Variants in EHMT1 observed in about 807,000 individuals in gnomAD.
EHMT1 encodes the protein euchromatic histone lysine methyltransferase 1.
EHMT1 carries 15 observed loss-of-function variants against 147.2 expected under a neutral mutation model. The ratio of observed to expected loss-of-function variants is 0.10; its 90% CI spans 0.07 to 0.16. The LOEUF is 0.16. Ranked by LOEUF, EHMT1 falls within the 10% of genes least tolerant of loss-of-function variation. EHMT1 has a pLI of 1.00. For missense variants in EHMT1, 1,587 were observed against 1,772.4 expected, an observed-to-expected ratio of 0.90 and a Z score of 1.88; for synonymous variants, 795 against 709.6, an observed-to-expected ratio of 1.12 and a Z score of -1.91.
intron 1 of EHMT1, among the ~76,000 whole-genome samples, chr9:137,708,956 C>A (rs930388888): frequency 6.6e-6 from 1 of 152,214 alleles, no homozygotes; most frequent in African/African-American, 2.4e-5. Context: ...TGATGTGGAA[C>A]GCTGGAGAGC....
At chr9:137,767,216 C>T (rs143803835) in intron 10 of EHMT1, among the ~76,000 whole-genome samples, 123 of 152,304 alleles carry the variant, frequency 8.1e-4, no homozygotes, top group African/African-American at 2.9e-3. Flanking sequence ...AACTCCTGCA[C>T]TCAAGCAACC....
chr9:137,620,237 T>C (rs1405044828), intron 1 of EHMT1, among the ~76,000 whole-genome samples: 1 of 152,104 alleles, frequency 6.6e-6, no homozygotes, highest in African/African-American at 2.4e-5. Context: ...AAAGCGAAAT[T>C]AGAAAATTTC....
At chr9:137,729,430 T>TA (rs1246090942) in intron 4 of EHMT1, among the ~76,000 whole-genome samples, 6 of 151,810 alleles carry the variant, frequency 4.0e-5, no homozygotes, top group South Asian at 4.2e-4. Context: ...ATACTAAAAA[T>TA]AAAAAAATTA....
chr9:137,702,186 C>CT (rs1943897056), intron 1 of EHMT1, among the ~76,000 whole-genome samples: 1 of 152,184 alleles, frequency 6.6e-6, no homozygotes, highest in African/African-American at 2.4e-5. Context: ...CCTCGGCCTC[C>CT]CAAAGTGCTG....
intron 3 of EHMT1, among the ~76,000 whole-genome samples, chr9:137,727,491 T>C (rs1946740365): frequency 6.6e-6 from 1 of 152,244 alleles, no homozygotes; most frequent in Non-Finnish European, 1.5e-5. Context: ...AGGGTCCAGC[T>C]TCATTCTTTT....
chr9:137,752,196 G>C, intron 6 of EHMT1, 135 bp from the exon 7 acceptor site: 2 of 1,088,894 alleles, frequency 1.8e-6, no homozygotes, highest in Non-Finnish European at 2.7e-6. Flanking sequence ...CGGCGCCCCC[G>C]CCCCGCGAGC....
rs1178127847 is a variant in EHMT1 at position 137,782,425 on chromosome 9, C to T, written c.2382+28C>T. On this transcript the variant is annotated intron_variant, in intron 15 of 26. Transcript: ENST00000460843. This position sits in a 1 kb window ranked among gnomAD's most constrained non-coding sequence, Gnocchi z 5.7. ...GCGGCGGCACGGCGCCCTCCTAGGG[C>T]TCTTCACCTGCTCTCTTTTATTTTT... The T allele has an allele frequency of 6.4e-7, 1 of 1,566,270 alleles. No individual in the cohort carries two copies. Among genetic ancestry groups the T allele is most frequent in the Non-Finnish European group, 8.7e-7 (1 of 1,153,412 alleles).
In EHMT1 at chr9:137,787,345, T is replaced by G; in HGVS notation, c.2383-3503T>G. On this transcript the variant is annotated intron_variant, in intron 15 of 26. Transcript: ENST00000460843. This position sits in a 1 kb window ranked among gnomAD's most constrained non-coding sequence, Gnocchi z 4.2. ...CCTCCTTCCCAGGCTGCATCTGCCA[T>G]TCGGTGACGGCTGGTGACGGATGGA... 6.3e-6 allele frequency: 1 copy of G among 159,844 alleles called. No individual in the cohort carries two copies. Among genetic ancestry groups the G allele is most frequent in the Non-Finnish European group, 1.4e-5 (1 of 73,070 alleles). The allele number at this position is 159,844 out of a possible 1,614,324, so 9.9% of individuals were successfully genotyped here. A position where few individuals can be genotyped will look rare whatever the true frequency, so the allele number is the denominator to read the frequency against.
intron 25 of EHMT1, chr9:137,832,821 T>G (rs964332783): frequency 1.3e-5 from 2 of 152,430 alleles, no homozygotes; most frequent in African/African-American, 4.8e-5. Context: ...TCCATTTTGC[T>G]GCTTATCAAG....
rs891920593 is a variant in EHMT1, at chr9:137,835,698, T to G, written c.*745T>G. The G allele has an allele frequency of 1.3e-5, 2 of 152,654 alleles. No homozygotes were observed. Among genetic ancestry groups the G allele is most frequent in the Admixed American group, 1.3e-4 (2 of 15,284 alleles). The allele number at this position is 152,654 out of a possible 1,614,324, so 9.5% of individuals were successfully genotyped here. A position where few individuals can be genotyped will look rare whatever the true frequency, so the allele number is the denominator to read the frequency against. ...AAACTGATTTATTTTCTACCATTAC[T>G]GAACATTAGGACAAACACAAAATAA... is the stretch of plus-strand genomic sequence containing the variant. On this transcript the variant is annotated 3_prime_UTR_variant, in exon 27 of 27. Coordinates refer to ENST00000460843, the MANE Select transcript of EHMT1 (RefSeq NM_024757.5).
chr9:137,814,644 C>A, intron 22 of EHMT1, 136 bp downstream of exon 22: 1 of 1,010,722 alleles, frequency 9.9e-7, no homozygotes, highest in Non-Finnish European at 1.5e-6. Flanking sequence ...CTGGGTGTGA[C>A]AGGCAGGGGA....
At chr9:137,710,465 C>G (rs530572584) in intron 1 of EHMT1, among the ~76,000 whole-genome samples, 190 of 152,324 alleles carry the variant, frequency 1.2e-3, no homozygotes, top group African/African-American at 4.5e-3. Context: ...AGAGTGAACT[C>G]TGTCTCAACA....
intron 4 of EHMT1, among the ~76,000 whole-genome samples, chr9:137,740,987 G>T (rs7048153): frequency 0.46 from 64,563 of 139,484 alleles, 17,070 homozygotes; most frequent in African/African-American, 0.75. Flanking sequence ...TTTTTTTTTT[G>T]TTTGTTTGAG....
At chr9:137,744,990 A>G (rs1299082141) in intron 6 of EHMT1, among the ~76,000 whole-genome samples, 1 of 152,254 alleles carries the variant, frequency 6.6e-6, no homozygotes. Flanking sequence ...TTTCATAAGG[A>G]CGAACAGTGG....
chr9:137,834,282 G>C (rs1413831968), intron 25 of EHMT1, 67 bp from the exon 26 acceptor site: 1 of 1,595,468 alleles, frequency 6.3e-7, no homozygotes, highest in African/African-American at 1.3e-5. Flanking sequence ...ATGCATGGCC[G>C]TACCCGGCGA....
At chr9:137,630,281 A>G (rs756140465) in intron 1 of EHMT1, among the ~76,000 whole-genome samples, 2 of 152,274 alleles carry the variant, frequency 1.3e-5, no homozygotes, top group Non-Finnish European at 2.9e-5. Context: ...ATTTAATAAT[A>G]GAACAGAGCA....
chr9:137,683,333 C>T (rs1942141999), intron 1 of EHMT1, among the ~76,000 whole-genome samples: 1 of 152,232 alleles, frequency 6.6e-6, no homozygotes, highest in Non-Finnish European at 1.5e-5. Flanking sequence ...AGAATTTCTG[C>T]TGGTGCCCCC....
intron 4 of EHMT1, among the ~76,000 whole-genome samples, chr9:137,730,817 C>T (rs941797284): frequency 2.0e-5 from 3 of 152,236 alleles, no homozygotes; most frequent in Non-Finnish European, 2.9e-5. Context: ...GGGCCGGAAT[C>T]GGCTTTCTCC....
intron 1 of EHMT1, among the ~76,000 whole-genome samples, chr9:137,664,690 G>A (rs577551537): frequency 6.6e-6 from 1 of 151,936 alleles, no homozygotes. Context: ...ATTTCCCTTA[G>A]TTTGCCTTCT....
Sources: gnomAD v4.1 joint callset for allele counts (sites outside exome capture counted in the v4.1 genomes callset) on GRCh38, gnomAD v4.1.1 for gene constraint, Gnocchi (gnomAD v3.1) non-coding constraint, MANE v1.5 for transcripts, NCBI Gene and HGNC (gene_info 2026-07-23, HGNC 2026-07-21) for gene names.